DAB1: variants seen among roughly 807,000 people sequenced by gnomAD.
DAB1 encodes the protein disabled homolog 1.
Under a neutral mutation model 64.6 loss-of-function variants are expected in DAB1, and 15 were observed. The observed-to-expected ratio is 0.23, with a 90% confidence interval of 0.16 to 0.36. DAB1 has a LOEUF of 0.36. Among genes scored for constraint, DAB1 ranks in the 10% least tolerant of loss-of-function variants. The pLI is 1.00. For synonymous variants in DAB1, 235 were observed against 251.9 expected, an observed-to-expected ratio of 0.93 and a Z score of 0.64; for missense variants, 596 against 706.7, an observed-to-expected ratio of 0.84 and a Z score of 1.78.
intron 7 of DAB1, among the ~76,000 whole-genome samples, chr1:57,554,352 G>A (rs1005485453): frequency 6.6e-6 from 1 of 152,212 alleles, no homozygotes; most frequent in Non-Finnish European, 1.5e-5. Flanking sequence ...TCCTAGCTTT[G>A]TGTTACTTAC....
At chr1:57,545,288 A>G (rs1261845338) in intron 7 of DAB1, among the ~76,000 whole-genome samples, 1 of 152,100 alleles carries the variant, frequency 6.6e-6, no homozygotes, top group East Asian at 1.9e-4. Flanking sequence ...CTATCCTCCT[A>G]GTCTGCCTTA....
chr1:58,031,004 G>A (rs1646962463), intron 5 of DAB1, among the ~76,000 whole-genome samples: 1 of 152,182 alleles, frequency 6.6e-6, no homozygotes, highest in African/African-American at 2.4e-5. Context: ...CAGGTACGAA[G>A]TTCTTCTCCA....
At chr1:57,674,852 C>A (rs181035059) in intron 6 of DAB1, among the ~76,000 whole-genome samples, 24 of 152,300 alleles carry the variant, frequency 1.6e-4, no homozygotes, top group Admixed American at 1.5e-3. Context: ...AAAGTTCATA[C>A]TTGAAAATCA....
chr1:57,773,886 G>A (rs988853201), intron 6 of DAB1, among the ~76,000 whole-genome samples: 19 of 151,964 alleles, frequency 1.3e-4, no homozygotes, highest in Admixed American at 3.9e-4. Context: ...TCTATTATGC[G>A]TTGTTACTGT....
chr1:57,938,091 T>C (rs1645053380), intron 5 of DAB1, among the ~76,000 whole-genome samples: 1 of 152,218 alleles, frequency 6.6e-6, no homozygotes, highest in African/African-American at 2.4e-5. Flanking sequence ...CCTACTTTCA[T>C]GGGAATTCCT....
intron 4 of DAB1, among the ~76,000 whole-genome samples, chr1:57,088,927 G>A (rs1653358752): frequency 6.6e-6 from 1 of 152,220 alleles, no homozygotes; most frequent in African/African-American, 2.4e-5. Context: ...CCTGGCATGT[G>A]AGGCAGTCTG....
chr1:57,004,074 A>G (rs528866675), intron 14 of DAB1, among the ~76,000 whole-genome samples: 1 of 152,286 alleles, frequency 6.6e-6, no homozygotes, highest in Non-Finnish European at 1.5e-5. Flanking sequence ...AAGGGCCCTC[A>G]CACCTACAGC....
chr1:57,572,170 G>A (rs1048616428), intron 7 of DAB1, among the ~76,000 whole-genome samples: 4 of 152,196 alleles, frequency 2.6e-5, no homozygotes, highest in Non-Finnish European at 5.9e-5. Context: ...AGCTTCAGGT[G>A]TGGGCAAGGT....
In DAB1 at chr1:57,315,388, T is replaced by A. The variant is rs17422469; in HGVS notation, c.-136-24222A>T. Among the ~76,000 whole-genome samples the A allele has an allele frequency of 6.5e-3, 993 of 152,288 alleles. 13 individuals are homozygous for A. The highest frequency in any genetic ancestry group is 0.043 in the South Asian group (207 of 4,814). ...TATAGCCACTGCAATGAATATAGCATCCTCAAAGGGCACACCTCAAAAAAT... is the reference window on the plus strand; with the variant it reads ...TATAGCCACTGCAATGAATATAGCAACCTCAAAGGGCACACCTCAAAAAAT... On this transcript the variant is annotated intron_variant, in intron 1 of 14. Coordinates refer to ENST00000371236, the MANE Select transcript of DAB1 (RefSeq NM_001365792.1).
intron 7 of DAB1, among the ~76,000 whole-genome samples, chr1:57,452,608 GGGGGCGC>G (rs1475963915): frequency 6.6e-6 from 1 of 152,094 alleles, no homozygotes; most frequent in African/African-American, 2.4e-5. Context: ...GATGGTGGTG[GGGGGCGC>G]GGGGTGGTCC....
At chr1:57,287,848 G>A (rs1672450606) in intron 2 of DAB1, among the ~76,000 whole-genome samples, 2 of 150,910 alleles carry the variant, frequency 1.3e-5, no homozygotes, top group South Asian at 4.2e-4. Flanking sequence ...CAGGCTGGAG[G>A]GCAATGAAGC....
At chr1:58,060,681 A>G (rs1648441597) in intron 5 of DAB1, among the ~76,000 whole-genome samples, 1 of 152,174 alleles carries the variant, frequency 6.6e-6, no homozygotes, top group African/African-American at 2.4e-5. Context: ...CTGAGAACAG[A>G]GAAGCATGCC....
chr1:57,303,471 T>C (rs934810311), intron 1 of DAB1, among the ~76,000 whole-genome samples: 4 of 152,018 alleles, frequency 2.6e-5, no homozygotes, highest in Non-Finnish European at 5.9e-5. Flanking sequence ...TACATCCAAG[T>C]TGGATATATA....
At chr1:57,749,849 C>T (rs547689242) in intron 6 of DAB1, among the ~76,000 whole-genome samples, 2 of 152,330 alleles carry the variant, frequency 1.3e-5, no homozygotes, top group Non-Finnish European at 2.9e-5. Context: ...CCTGCCTCTG[C>T]ATTCTGCTCA....
intron 4 of DAB1, among the ~76,000 whole-genome samples, chr1:58,309,346 T>G (rs1011347606): frequency 1.3e-5 from 2 of 152,164 alleles, no homozygotes; most frequent in Non-Finnish European, 2.9e-5. Context: ...CATGGGCCGC[T>G]TGAATTTTAA....
Position 57,695,286 on chromosome 1 carries a change from A to G in DAB1, n.552-45621T>C, listed in dbSNP as rs539205052. On this transcript the variant is annotated intron_variant and non_coding_transcript_variant, in intron 6 of 20. Coordinates refer to the DAB1 transcript ENST00000485760. ...GAAGGAAGGAAGGAAGGAAGGAAGAAAGGGAGAGAGAAGGAAAGAAAGAAA... is the reference window on the plus strand; with the variant it reads ...GAAGGAAGGAAGGAAGGAAGGAAGAGAGGGAGAGAGAAGGAAAGAAAGAAA... Among the ~76,000 whole-genome samples the G allele has an allele frequency of 1.0e-3, 126 of 120,594 alleles. 10 individuals are homozygous for G. Among genetic ancestry groups the G allele is most frequent in the African/African-American group, 4.5e-3 (125 of 27,962 alleles). The allele number at this position is 120,594 out of a possible 152,430, so 79.1% of individuals were successfully genotyped here.
At chr1:58,094,328 A>C (rs1650859721) in intron 5 of DAB1, among the ~76,000 whole-genome samples, 1 of 152,110 alleles carries the variant, frequency 6.6e-6, no homozygotes, top group Admixed American at 6.5e-5. Flanking sequence ...ACATTCTTTG[A>C]GTGGATTGTT....
rs1186221366 is a variant in DAB1 at position 57,233,255 on chromosome 1, C to CTTTTTTTTTT, written c.67+57699_67+57708dup. On this transcript the variant is annotated intron_variant, in intron 2 of 14. Transcript: ENST00000371236. ...TGCAGCTTCAAGCTTTGCTCCGATT[C>CTTTTTTTTTT]TTTTTTTTTTTTTTTTTTTTTTTTT... 2.7e-3 allele frequency among the ~76,000 whole-genome samples: 162 copies of CTTTTTTTTTT among 60,806 alleles called. 27 individuals are homozygous for CTTTTTTTTTT. Among genetic ancestry groups the CTTTTTTTTTT allele is most frequent in the East Asian group, 4.2e-3 (6 of 1,438 alleles). 39.9% of individuals were successfully genotyped at this position (60,806 alleles called of 152,430 possible). A position where few individuals can be genotyped will look rare whatever the true frequency, so the allele number is the denominator to read the frequency against.
chr1:57,557,851 G>A (rs181551794), intron 7 of DAB1, among the ~76,000 whole-genome samples: 392 of 152,296 alleles, frequency 2.6e-3, no homozygotes, highest in Non-Finnish European at 4.2e-3. Context: ...TGGACAAAGT[G>A]ATGAAAGAAA....
Sources: gnomAD v4.1 joint callset for allele counts (sites outside exome capture counted in the v4.1 genomes callset) on GRCh38, gnomAD v4.1.1 for gene constraint, MANE v1.5 for transcripts, NCBI Gene and HGNC (gene_info 2026-07-23, HGNC 2026-07-21) for gene names.